Variants in VPS45 observed in about 807,000 individuals in gnomAD.
VPS45 encodes the protein vacuolar protein sorting 45 homolog.
VPS45 carries 35 observed loss-of-function variants against 75.9 expected under a neutral mutation model. The observed-to-expected ratio is 0.46, with a 90% CI of 0.35 to 0.61. The LOEUF (loss-of-function observed/expected upper bound fraction) is 0.61. Among genes scored for constraint, VPS45 ranks in the 20% least tolerant of loss-of-function variants. VPS45 has a pLI of 0.00. For missense variants in VPS45, 559 were observed against 685.9 expected, an observed-to-expected ratio of 0.81 and a Z score of 2.07; for synonymous variants, 220 against 238.2, an observed-to-expected ratio of 0.92 and a Z score of 0.70.
At chr1:150,070,787 G>A (rs1421756596) in intron 2 of VPS45, among the ~76,000 whole-genome samples, 6 of 151,832 alleles carry the variant, frequency 4.0e-5, no homozygotes, top group Non-Finnish European at 7.4e-5. Flanking sequence ...CCAGCCTGGC[G>A]ACAGAGCAAG....
chr1:150,092,142 A>G, intron 11 of VPS45, 47 bp downstream of exon 11: 1 of 1,582,840 alleles, frequency 6.3e-7, no homozygotes, highest in Non-Finnish European at 8.6e-7. Flanking sequence ...CAACTCTGTT[A>G]TTATATTCTT....
chr1:150,119,847 G>A (rs1658139705), intron 14 of VPS45, among the ~76,000 whole-genome samples: 1 of 152,202 alleles, frequency 6.6e-6, no homozygotes, highest in Non-Finnish European at 1.5e-5. Context: ...GGTGGCTCAT[G>A]CCTGTAATCC....
At chr1:150,110,456 T>C (rs1657585137) in intron 13 of VPS45, 40 bp from the exon 14 acceptor site, 1 of 1,565,784 alleles carries the variant, frequency 6.4e-7, no homozygotes, top group East Asian at 2.3e-5. Context: ...TCCTTTTTTT[T>C]TCTTATCCTG....
At position 150,068,714 on chromosome 1, in the gene VPS45, C is replaced by G. The variant is rs1553796352; in HGVS notation, c.178C>G (p.Arg60Gly). 5.0e-6 allele frequency: 8 copies of G among 1,612,912 alleles called. No individual in the cohort carries two copies. In the East Asian group the frequency reaches 1.8e-4, roughly 36 times the overall value. The change falls in exon 2 of 15, where the codon CGA becomes GGA. Residue 60 changes from arginine to glycine, a missense_variant. Physicochemically the swap from Arg to Gly is moderately radical, Grantham distance 125. Coordinates refer to ENST00000644510, the MANE Select transcript of VPS45 (RefSeq NM_007259.5). ...YLFERIDSQN[R>G]EIMKHLKAIC... is the part of the protein sequence containing the mutation. ...CTTTGAACGCATTGATTCTCAAAAT[C>G]GAGAGATCATGAAACACCTGAAGGC...
At chr1:150,076,713 T>G in intron 4 of VPS45, 1 of 610,124 alleles carries the variant, frequency 1.6e-6, no homozygotes, top group Non-Finnish European at 2.9e-6. Flanking sequence ...TTGTTAGATT[T>G]ATTATTATTG....
intron 7 of VPS45, among the ~76,000 whole-genome samples, chr1:150,079,253 T>C (rs1652624644): frequency 6.6e-6 from 1 of 152,190 alleles, no homozygotes; most frequent in Admixed American, 6.5e-5. Flanking sequence ...GTCTCTCTCA[T>C]GTCTCATGCT....
chr1:150,127,707 G>A (rs1378436968), intron 14 of VPS45, among the ~76,000 whole-genome samples: 2 of 152,154 alleles, frequency 1.3e-5, no homozygotes, highest in Non-Finnish European at 2.9e-5. Flanking sequence ...CCTGGAATTG[G>A]GCACAGTCTG....
chr1:150,100,645 A>G (rs587748742), intron 13 of VPS45, among the ~76,000 whole-genome samples: 1 of 152,352 alleles, frequency 6.6e-6, no homozygotes, highest in East Asian at 1.9e-4. Context: ...ACATAGACCA[A>G]TGGAACAGAA....
chr1:150,106,284 G>A (rs1436393146), intron 13 of VPS45, among the ~76,000 whole-genome samples: 1 of 152,142 alleles, frequency 6.6e-6, no homozygotes, highest in South Asian at 2.1e-4. Flanking sequence ...AAGGGCTTCT[G>A]CACAGCAAAA....
Position 150,070,559 on chromosome 1 carries a change from A to G in VPS45, c.229-1607A>G, listed in dbSNP as rs1429514843. ...TGTAATCCTAGCACTTTGGGAGGCC[A>G]AGGCAGGCGGATCACGAGGTCAGGA... On this transcript the variant is annotated intron_variant, in intron 2 of 14. Transcript: ENST00000644510. 6.8e-4 allele frequency among the ~76,000 whole-genome samples: 103 copies of G among 151,770 alleles called. 1 individual carries two copies. The highest frequency in any genetic ancestry group is 7.7e-4 in the Non-Finnish European group (52 of 67,952).
At chr1:150,095,444 C>T (rs1175265480) in intron 13 of VPS45, among the ~76,000 whole-genome samples, 1 of 152,158 alleles carries the variant, frequency 6.6e-6, no homozygotes, top group African/African-American at 2.4e-5. Context: ...AAAACCCTGT[C>T]TCTACTAAAA....
intron 14 of VPS45, among the ~76,000 whole-genome samples, chr1:150,131,274 C>T (rs927456155): frequency 2.0e-5 from 3 of 152,128 alleles, no homozygotes; most frequent in East Asian, 3.9e-4. Flanking sequence ...TTTGGGAAGC[C>T]GAGGCAGGTG....
chr1:150,107,530 G>A (rs1179733563), intron 13 of VPS45, among the ~76,000 whole-genome samples: 1 of 152,130 alleles, frequency 6.6e-6, no homozygotes, highest in African/African-American at 2.4e-5. Flanking sequence ...TCTTACACTA[G>A]CCTTTTATTC....
chr1:150,140,861 C>T (rs781912619), intron 14 of VPS45, among the ~76,000 whole-genome samples: 3 of 152,102 alleles, frequency 2.0e-5, no homozygotes, highest in Admixed American at 6.5e-5. Flanking sequence ...AGAATGAGTA[C>T]GTAACTCTAA....
rs1465017038 is a variant in VPS45, at chr1:150,090,535, TAGAA to T, written c.1105-1392_1105-1389del. ...AGACCACTTAAAATCTACATGACTA[TAGAA>T]AGAAAGAAAACATTCATATAATTTT... On this transcript the variant is annotated intron_variant, in intron 10 of 14. Transcript: ENST00000644510. Among the ~76,000 whole-genome samples, 221 of 152,268 alleles carry T rather than the reference TAGAA, an allele frequency of 1.5e-3. 1 individual carries two copies. Among genetic ancestry groups the T allele is most frequent in the African/African-American group, 5.1e-3 (214 of 41,558 alleles).
chr1:150,089,980 C>G (rs1238408806), intron 10 of VPS45, among the ~76,000 whole-genome samples: 1 of 152,188 alleles, frequency 6.6e-6, no homozygotes, highest in Non-Finnish European at 1.5e-5. Flanking sequence ...TACTTGAAAG[C>G]TACATGGGAG....
intron 10 of VPS45, among the ~76,000 whole-genome samples, chr1:150,088,732 GCCT>G (rs1656163329): frequency 6.6e-6 from 1 of 151,904 alleles, no homozygotes; most frequent in African/African-American, 2.4e-5. Flanking sequence ...ACCTGCATCG[GCCT>G]CCCAAAGTGC....
Position 150,108,583 on chromosome 1 carries a change from G to T in VPS45, c.1494-1913G>T, listed in dbSNP as rs587745845. 2.0e-5 allele frequency among the ~76,000 whole-genome samples: 3 copies of T among 152,206 alleles called. No individual in the cohort carries two copies. In the South Asian group the frequency reaches 6.2e-4, roughly 32 times the overall value. On this transcript the variant is annotated intron_variant, in intron 13 of 14. Coordinates refer to ENST00000644510, the MANE Select transcript of VPS45 (RefSeq NM_007259.5). Reference sequence around the variant, plus strand: ...CAGAGATGAAGTGGGACCATAAAAGGATACTGAAAAGTAGCAAGGGAAAAA... The same window carrying T: ...CAGAGATGAAGTGGGACCATAAAAGTATACTGAAAAGTAGCAAGGGAAAAA...
At chr1:150,079,608 C>CT (rs1655582419) in intron 7 of VPS45, among the ~76,000 whole-genome samples, 1 of 152,132 alleles carries the variant, frequency 6.6e-6, no homozygotes, top group South Asian at 2.1e-4. Context: ...AGGTTTCTGT[C>CT]TAAATATTGG....
Sources: gnomAD v4.1 joint callset for allele counts (sites outside exome capture counted in the v4.1 genomes callset) on GRCh38, gnomAD v4.1.1 for gene constraint, MANE v1.5 for transcripts, NCBI Gene and HGNC (gene_info 2026-07-23, HGNC 2026-07-21) for gene names.